The following PHKA2 variants were observed in gnomAD, a reference collection of about 807,000 sequenced individuals.
PHKA2 encodes phosphorylase kinase regulatory subunit alpha 2, also known as phosphorylase b kinase regulatory subunit alpha, liver isoform.
A neutral mutation model predicts 102.0 loss-of-function variants in PHKA2; 31 were observed. That is an observed-to-expected ratio of 0.30 (90% CI 0.23 to 0.41). The LOEUF (loss-of-function observed/expected upper bound fraction) is 0.41, where lower values mean the gene tolerates loss of function less well. Among genes scored for constraint, PHKA2 ranks in the 10% least tolerant of loss-of-function variants. The pLI, the probability that PHKA2 is intolerant of heterozygous loss-of-function variation, is 1.00. For synonymous variants in PHKA2, 455 were observed against 416.2 expected (o/e 1.09, Z -1.13); for missense variants, 858 against 1,023.1 (o/e 0.84, Z 2.20).
intron 1 of PHKA2, among the ~76,000 whole-genome samples, chrX:18,968,557 C>A (rs2048976482): frequency 9.0e-6 from 1 of 111,161 alleles, no homozygotes; most frequent in African/African-American, 3.3e-5. Flanking sequence ...GCTTTATGTA[C>A]TCTGACGTTT....
chrX:18,893,375 TG>T lies in PHKA2; in HGVS notation c.*109del. 1 of 775,339 alleles carries T rather than the reference TG, an allele frequency of 1.3e-6. No homozygotes were observed. The highest frequency in any genetic ancestry group is 2.0e-6 in the Non-Finnish European group (1 of 503,522). The allele number at this position is 775,339 out of a possible 1,213,427, so 63.9% of individuals were successfully genotyped here. On this transcript the variant is annotated 3_prime_UTR_variant, in exon 33 of 33. Coordinates refer to ENST00000379942, the MANE Select transcript of PHKA2 (RefSeq NM_000292.3). ...CATTGCCCCCCGAGAGTGTTTCTGA[TG>T]GGACATGCTTTCCTGATAGCACAGG...
At chrX:18,928,153 G>A (rs1569311375) in intron 13 of PHKA2, among the ~76,000 whole-genome samples, 1 of 112,191 alleles carries the variant, frequency 8.9e-6, no homozygotes, top group African/African-American at 3.2e-5. Flanking sequence ...CAGTCCACCT[G>A]GAAGTCAGGA....
intron 5 of PHKA2, among the ~76,000 whole-genome samples, chrX:18,947,761 A>G (rs999949063): frequency 8.9e-6 from 1 of 112,582 alleles, no homozygotes; most frequent in African/African-American, 3.2e-5. Flanking sequence ...CCAAAGGCCC[A>G]TCAGTCAACG....
At chrX:18,949,286 T>C (rs1013869824) in intron 4 of PHKA2, among the ~76,000 whole-genome samples, 2 of 111,696 alleles carry the variant, frequency 1.8e-5, no homozygotes, top group Admixed American at 9.5e-5. Flanking sequence ...CAGAAAAATA[T>C]AGTCAGTTAT....
chrX:18,958,552 G>A (rs1483494377), intron 1 of PHKA2, among the ~76,000 whole-genome samples: 1 of 109,903 alleles, frequency 9.1e-6, no homozygotes, highest in African/African-American at 3.3e-5. Context: ...TCAGTCTGAT[G>A]GATGTAAAGT....
In PHKA2 at chrX:18,951,203, C is replaced by T. The variant is rs774266693; in HGVS notation, c.355G>A (p.Ala119Thr). Reference sequence around the variant, plus strand: ...TCGCCCACCACCGTGCCACAGGTGGCGGTGTTGTACTTGGCGTGCAGGCTG... The same window carrying T: ...TCGCCCACCACCGTGCCACAGGTGGTGGTGTTGTACTTGGCGTGCAGGCTG... Reference protein sequence around the residue: ...KDSLHAKYNTATCGTVVGDDQ... With the variant: ...KDSLHAKYNTTTCGTVVGDDQ... The change falls in exon 4 of 33, where the codon GCC (alanine) becomes ACC (threonine). Residue 119 changes from alanine (A) to threonine (T), a missense_variant. Transcript: ENST00000379942. 3.6e-5 allele frequency: 43 copies of T among 1,208,841 alleles called. No individual in the cohort carries two copies. Among genetic ancestry groups the T allele is most frequent in the Middle Eastern group, 2.3e-4 (1 of 4,331 alleles).
chrX:18,907,142 T>G (rs1601711724), intron 22 of PHKA2, 45 bp from the exon 23 acceptor site: 1 of 943,342 alleles, frequency 1.1e-6, no homozygotes. Context: ...GCGAGAGAGA[T>G]ACTGGCAAAG....
intron 13 of PHKA2, among the ~76,000 whole-genome samples, chrX:18,928,401 T>C (rs758769674): frequency 2.9e-4 from 33 of 112,432 alleles, no homozygotes; most frequent in African/African-American, 1.0e-3. Flanking sequence ...ATTTGTTCAA[T>C]CACTGTTTTC....
chrX:18,927,320 G>A (rs1341670060), intron 13 of PHKA2, among the ~76,000 whole-genome samples: 2 of 112,329 alleles, frequency 1.8e-5, no homozygotes, highest in African/African-American at 6.5e-5. Flanking sequence ...ACCCGGGATC[G>A]GCTAGGCTGC....
In PHKA2 at chrX:18,904,660, C is replaced by T. The variant is rs763239105; in HGVS notation, c.2908+1098G>A. The stretch of plus-strand genomic sequence containing the variant: ...AAAAGCATTCTGAGCACCCCTCCTT[C>T]GGGAAAGGAGAAAAACCACCAAAAC... On this transcript the variant is annotated intron_variant, in intron 26 of 32. Transcript: ENST00000379942. 2.9e-4 allele frequency among the ~76,000 whole-genome samples: 33 copies of T among 112,067 alleles called. 1 individual carries two copies. Among genetic ancestry groups the T allele is most frequent in the Non-Finnish European group, 1.5e-4 (8 of 53,236 alleles).
intron 20 of PHKA2, 46 bp from the exon 21 acceptor site, chrX:18,908,980 A>C: frequency 8.3e-7 from 1 of 1,206,043 alleles, no homozygotes; most frequent in South Asian, 1.8e-5. Context: ...CTAGGCATGG[A>C]ACTTTCGGAA....
At chrX:18,935,794 T>G (rs2147945760) in intron 11 of PHKA2, among the ~76,000 whole-genome samples, 1 of 106,982 alleles carries the variant, frequency 9.3e-6, no homozygotes, top group East Asian at 2.9e-4. Context: ...TTTTTTTTTT[T>G]TAGTAGAGAT....
At chrX:18,956,342 A>G (rs925788413) in intron 1 of PHKA2, among the ~76,000 whole-genome samples, 9 of 111,595 alleles carry the variant, frequency 8.1e-5, no homozygotes, top group Non-Finnish European at 1.7e-4. Flanking sequence ...CAACAACGAC[A>G]TAAGCATCTT....
chrX:18,947,560 G>A (rs2048603440), intron 5 of PHKA2, among the ~76,000 whole-genome samples: 1 of 112,410 alleles, frequency 8.9e-6, no homozygotes, highest in African/African-American at 3.2e-5. Context: ...CCCAACTCAA[G>A]CCAGCACATA....
chrX:18,951,506 G>A (rs1242113799), intron 3 of PHKA2, among the ~76,000 whole-genome samples: 1 of 111,409 alleles, frequency 9.0e-6, no homozygotes, highest in Non-Finnish European at 1.9e-5. Context: ...GGAGTGACGG[G>A]TCATGACAAA....
chrX:18,975,967 CT>C (rs200764030), intron 1 of PHKA2, among the ~76,000 whole-genome samples: 2,488 of 62,919 alleles, frequency 0.04, 24 homozygotes, highest in African/African-American at 0.15. Context: ...AAGTCAAATT[CT>C]TTTTTTTTTT....
At chrX:18,959,598 C>A (rs2048838622) in intron 1 of PHKA2, among the ~76,000 whole-genome samples, 1 of 111,588 alleles carries the variant, frequency 9.0e-6, no homozygotes. Context: ...GAATTTTGCT[C>A]ATTCATATAA....
At position 18,907,920 on chromosome X, in the gene PHKA2, T is replaced by G; in HGVS notation, c.2497A>C (p.Lys833Gln). ...IRYISGLLRKKVEVLAEACTD... is the reference protein window; with the variant it reads ...IRYISGLLRKQVEVLAEACTD... ...CTGACCTCAGCCAGGACCTCCACTT[T>G]CTTCCTGAGAAGGCCTGAGATGTAG... is the stretch of plus-strand genomic sequence containing the variant. The change falls in exon 22 of 33, where the codon AAA becomes CAA. Residue 833 changes from lysine (K) to glutamine (Q), a missense_variant. Around this residue, in one of 2 missense-constraint regions of PHKA2, gnomAD observed 671 missense variants for 745.2 expected, o/e 0.90. Transcript: ENST00000379942. 8.3e-7 allele frequency: 1 copy of G among 1,211,507 alleles called. No individual in the cohort carries two copies. Among genetic ancestry groups the G allele is most frequent in the Non-Finnish European group, 1.1e-6 (1 of 895,417 alleles).
chrX:18,903,864 CA>C (rs1481974525), intron 26 of PHKA2, among the ~76,000 whole-genome samples: 1 of 112,073 alleles, frequency 8.9e-6, no homozygotes, highest in Non-Finnish European at 1.9e-5. Context: ...CAAAGCCTCC[CA>C]GGTCTAGCTG....
Sources: gnomAD v4.1 joint callset for allele counts (sites outside exome capture counted in the v4.1 genomes callset) on GRCh38, gnomAD v4.1.1 for gene constraint, gnomAD v4.1.1 regional missense constraint, MANE v1.5 for transcripts, NCBI Gene and HGNC (gene_info 2026-07-23, HGNC 2026-07-21) for gene names.